Variants in LRRC37A2 observed in about 807,000 individuals in gnomAD.
LRRC37A2 encodes the protein leucine rich repeat containing 37 member A2.
Under a neutral mutation model 68.8 loss-of-function variants are expected in LRRC37A2, and 9 were observed. The observed-to-expected ratio is 0.13, with a 90% confidence interval of 0.08 to 0.23. The LOEUF (loss-of-function observed/expected upper bound fraction) is 0.23, where lower values mean the gene tolerates loss of function less well. LRRC37A2 is among the 10% of genes least tolerant of loss of function. The pLI is 1.00. For synonymous variants in LRRC37A2, 63 were observed against 367.6 expected (o/e 0.17, Z 9.48); for missense variants, 168 against 950.4 (o/e 0.18, Z 10.82).
At chr17:46,875,379 C>G in the LRRC37A2 span, 2 of 1,581,212 alleles carry the variant, frequency 1.3e-6, no homozygotes, top group South Asian at 2.3e-5. Flanking sequence ...GAGCATGTCC[C>G]TGGCTGCCCG....
At chr17:46,861,047 C>A in the LRRC37A2 span, among the ~76,000 whole-genome samples, 11 of 152,218 alleles carry the variant, frequency 7.2e-5, no homozygotes, top group African/African-American at 2.4e-4. Context: ...TATAGGTGTG[C>A]GTGTTGGGGG....
the LRRC37A2 span, among the ~76,000 whole-genome samples, chr17:46,859,669 T>C: frequency 1.3e-5 from 2 of 152,262 alleles, no homozygotes; most frequent in African/African-American, 4.8e-5. Context: ...TTGCATGGGC[T>C]ATTCAGGGTC....
At chr17:46,542,786 A>G (rs374698030) in intron 8 of LRRC37A2, among the ~76,000 whole-genome samples, 11,958 of 138,352 alleles carry the variant, frequency 0.086, no homozygotes, top group Non-Finnish European at 0.13. Context: ...ATTTACTGCA[A>G]CTTCAATTGT....
At chr17:46,904,410 G>T in the LRRC37A2 span, among the ~76,000 whole-genome samples, 3 of 146,068 alleles carry the variant, frequency 2.1e-5, no homozygotes, top group Non-Finnish European at 4.5e-5. Context: ...GGATGGATGG[G>T]TTGGTGGGTG....
At chr17:46,769,529 C>T in the LRRC37A2 span, among the ~76,000 whole-genome samples, 1 of 152,128 alleles carries the variant, frequency 6.6e-6, no homozygotes, top group South Asian at 2.1e-4. Flanking sequence ...TGGGTGGCAC[C>T]TGATCCCACG....
At chr17:46,557,683 C>T (rs2057357628), downstream of LRRC37A2, 1 of 247,830 alleles carries the variant, frequency 4.0e-6, no homozygotes, top group Non-Finnish European at 6.5e-6. Context: ...CTCTGCATCA[C>T]ACCTCCACAT....
the LRRC37A2 span, among the ~76,000 whole-genome samples, chr17:46,829,720 T>C: frequency 1.4e-5 from 2 of 146,276 alleles, no homozygotes; most frequent in Non-Finnish European, 3.0e-5. Flanking sequence ...GGTTATCTCC[T>C]AAGGCCTGGT....
chr17:46,828,106 G>C, the LRRC37A2 span, among the ~76,000 whole-genome samples: 4 of 151,984 alleles, frequency 2.6e-5, no homozygotes, highest in Non-Finnish European at 5.9e-5. Context: ...GGAATTACAG[G>C]TATGAGCCAC....
At chr17:46,979,221 C>T in the LRRC37A2 span, 2 of 432,498 alleles carry the variant, frequency 4.6e-6, no homozygotes, top group East Asian at 3.9e-5. Context: ...GAGCAACAGG[C>T]GGCGCAGGAG....
the LRRC37A2 span, chr17:46,728,828 C>G: frequency 4.0e-6 from 6 of 1,513,710 alleles, no homozygotes; most frequent in South Asian, 6.0e-5. Flanking sequence ...TATCAAATCC[C>G]TAAACATAAT....
the LRRC37A2 span, among the ~76,000 whole-genome samples, chr17:46,788,531 C>T: frequency 6.6e-6 from 1 of 152,194 alleles, no homozygotes; most frequent in Non-Finnish European, 1.5e-5. Context: ...CTCAAGGTCC[C>T]ATGTTTAAAT....
the LRRC37A2 span, chr17:46,713,816 G>A: frequency 1.3e-6 from 2 of 1,594,918 alleles, no homozygotes; most frequent in Admixed American, 1.8e-5. Context: ...TGCTTAGGTT[G>A]GCTTTTTTCC....
At chr17:46,881,520 C>T in the LRRC37A2 span, among the ~76,000 whole-genome samples, 1 of 152,344 alleles carries the variant, frequency 6.6e-6, no homozygotes, top group African/African-American at 2.4e-5. Flanking sequence ...ATATCGCTAG[C>T]AAGCGGATCC....
chr17:46,963,244 A>G, the LRRC37A2 span, among the ~76,000 whole-genome samples: 2 of 152,246 alleles, frequency 1.3e-5, no homozygotes, highest in Non-Finnish European at 2.9e-5. Flanking sequence ...AAAGATGATC[A>G]GTTAAGTAGG....
the LRRC37A2 span, among the ~76,000 whole-genome samples, chr17:47,011,415 G>A: frequency 6.6e-6 from 1 of 151,874 alleles, no homozygotes; most frequent in African/African-American, 2.4e-5. Context: ...CAGGTGTGGT[G>A]GTGGGTGCCT....
the LRRC37A2 span, among the ~76,000 whole-genome samples, chr17:46,869,700 G>C: frequency 6.6e-6 from 1 of 152,174 alleles, no homozygotes; most frequent in Non-Finnish European, 1.5e-5. Context: ...GGGAGTCCCA[G>C]ACAAGAACAC....
At chr17:46,979,113 C>T in the LRRC37A2 span, 3 of 1,161,312 alleles carry the variant, frequency 2.6e-6, no homozygotes, top group African/African-American at 3.3e-5. Flanking sequence ...CCGGCTCCTG[C>T]GGTACGGGGA....
chr17:46,951,854 C>G, the LRRC37A2 span, among the ~76,000 whole-genome samples: 1 of 152,186 alleles, frequency 6.6e-6, no homozygotes, highest in South Asian at 2.1e-4. Flanking sequence ...GCAAGAAAAT[C>G]TGGCTTTTCC....
At chr17:46,930,876 G>T in the LRRC37A2 span, 11 of 477,022 alleles carry the variant, frequency 2.3e-5, no homozygotes, top group Non-Finnish European at 3.7e-5. Context: ...TAAAAAATTG[G>T]CATTGTTATG....
Sources: allele counts gnomAD v4.1 joint callset (sites outside exome capture counted in the v4.1 genomes callset), GRCh38; gene constraint gnomAD v4.1.1; transcripts MANE v1.5; gene names NCBI Gene and HGNC (gene_info 2026-07-23, HGNC 2026-07-21).